The following UNC79 variants were observed in gnomAD, a reference collection of about 807,000 sequenced individuals.
The protein encoded by UNC79 is unc-79 subunit of NALCN channel complex.
In UNC79, 37 loss-of-function variants were observed where a neutral mutation model predicts 283.1. The observed-to-expected ratio is 0.13, with a 90% CI of 0.10 to 0.17. The LOEUF (loss-of-function observed/expected upper bound fraction) is 0.17, where lower values mean the gene tolerates loss of function less well. Among genes scored for constraint, UNC79 ranks in the 10% least tolerant of loss-of-function variants. UNC79 has a pLI of 1.00. For synonymous variants in UNC79, 1,107 were observed against 1,200.2 expected (o/e 0.92, Z 1.61); for missense variants, 2,272 against 3,211.1 (o/e 0.71, Z 7.07).
intron 8 of UNC79, among the ~76,000 whole-genome samples, chr14:93,525,908 T>C (rs1439474596): frequency 6.6e-6 from 1 of 152,146 alleles, no homozygotes; most frequent in Non-Finnish European, 1.5e-5. Flanking sequence ...AACAGCCCAG[T>C]CCATTCCACT....
Position 93,582,357 on chromosome 14 carries a change from T to C in UNC79, c.2803+13T>C, listed in dbSNP as rs769237154. The C allele has an allele frequency of 2.5e-6, 4 of 1,611,722 alleles. No individual in the cohort carries two copies. In the African/African-American group the frequency reaches 5.3e-5, roughly 22 times the overall value. Reference sequence around the variant, plus strand: ...GTGGAACATGCTGGTAGGTGTGCACTGACTGCCGGGGAATGCGCCACGTGC... The same window carrying C: ...GTGGAACATGCTGGTAGGTGTGCACCGACTGCCGGGGAATGCGCCACGTGC... On this transcript the variant is annotated intron_variant, in intron 20 of 48. Coordinates refer to ENST00000555664, the Ensembl canonical transcript of UNC79.
intron 1 of UNC79, among the ~76,000 whole-genome samples, chr14:93,383,620 G>A (rs1021885208): frequency 6.6e-6 from 1 of 152,258 alleles, no homozygotes; most frequent in Non-Finnish European, 1.5e-5. Context: ...CTCTCTGCTG[G>A]TGTTGCCTTG....
intron 47 of UNC79, among the ~76,000 whole-genome samples, chr14:93,699,184 T>C (rs2075359550): frequency 6.6e-6 from 1 of 152,244 alleles, no homozygotes; most frequent in African/African-American, 2.4e-5. Context: ...TCATTTAATG[T>C]GTTTTGTGAT....
At chr14:93,354,485 C>T (rs1431813791) in intron 1 of UNC79, among the ~76,000 whole-genome samples, 1 of 152,196 alleles carries the variant, frequency 6.6e-6, no homozygotes, top group Non-Finnish European at 1.5e-5. Flanking sequence ...ATCTGAAACA[C>T]TTCTGGTCCC....
rs2067097774 is a variant in UNC79, at chr14:93,621,077, ATGT to A, written c.4388-540_4388-538del. On this transcript the variant is annotated intron_variant, in intron 29 of 48. Transcript: ENST00000555664. The surrounding 1 kb of genome is among the most constrained non-coding windows in gnomAD (Gnocchi z 4.8). ...TTTCTCTTAGTAATTTTATGCAGAAATGTTGTACTCTACCGTTTGTTTGGGGTG... is the reference window on the plus strand; with the variant it reads ...TTTCTCTTAGTAATTTTATGCAGAAATGTACTCTACCGTTTGTTTGGGGTG... 1 of 498,120 alleles carries A rather than the reference ATGT, an allele frequency of 2.0e-6. No individual in the cohort carries two copies. Among genetic ancestry groups the A allele is most frequent in the Non-Finnish European group, 4.0e-6 (1 of 249,416 alleles). The allele number at this position is 498,120 out of a possible 1,614,324, so 30.9% of individuals were successfully genotyped here. A position where few individuals can be genotyped will look rare whatever the true frequency, so the allele number is the denominator to read the frequency against.
intron 22 of UNC79, among the ~76,000 whole-genome samples, chr14:93,591,125 G>A (rs2064642626): frequency 6.6e-6 from 1 of 152,176 alleles, no homozygotes; most frequent in Admixed American, 6.5e-5. Context: ...TTTAGATTAA[G>A]CATATGGCAT....
intron 14 of UNC79, among the ~76,000 whole-genome samples, chr14:93,564,695 G>A (rs1416661827): frequency 3.3e-5 from 5 of 152,072 alleles, no homozygotes; most frequent in Non-Finnish European, 7.4e-5. Context: ...GATAGGGGTG[G>A]GGCCGTTTTA....
At chr14:93,353,549 A>G (rs1008201720) in intron 1 of UNC79, among the ~76,000 whole-genome samples, 1 of 152,206 alleles carries the variant, frequency 6.6e-6, no homozygotes, top group Non-Finnish European at 1.5e-5. Context: ...AACTTCAGTT[A>G]CCATATACTT....
At chr14:93,433,847 C>T (rs1165063732) in intron 1 of UNC79, among the ~76,000 whole-genome samples, 1 of 152,098 alleles carries the variant, frequency 6.6e-6, no homozygotes, top group East Asian at 1.9e-4. Flanking sequence ...TGTAATGTAT[C>T]ACAGAGATAT....
intron 1 of UNC79, among the ~76,000 whole-genome samples, chr14:93,338,263 C>T (rs539382463): frequency 6.6e-6 from 1 of 152,116 alleles, no homozygotes. Context: ...CACTGGTGAT[C>T]TGGTTGTTTA....
intron 1 of UNC79, among the ~76,000 whole-genome samples, chr14:93,391,284 A>AT (rs1043710085): frequency 3.3e-5 from 5 of 152,174 alleles, no homozygotes; most frequent in Admixed American, 2.6e-4. Context: ...GGAAAAAAAA[A>AT]GGAAAAGAAA....
chr14:93,412,969 T>C (rs930591974), intron 1 of UNC79, among the ~76,000 whole-genome samples: 1 of 152,204 alleles, frequency 6.6e-6, no homozygotes, highest in African/African-American at 2.4e-5. Context: ...CTGCTGATAG[T>C]TAAGTACACA....
At chr14:93,572,123 C>T in intron 15 of UNC79, 39 bp downstream of exon 15, 1 of 1,598,356 alleles carries the variant, frequency 6.3e-7, no homozygotes, top group Non-Finnish European at 8.5e-7. Context: ...TAATTATAAT[C>T]ATATCTAACG....
intron 4 of UNC79, 124 bp from the exon 5 acceptor site, chr14:93,487,539 T>G: frequency 1.5e-6 from 1 of 689,592 alleles, no homozygotes; most frequent in South Asian, 2.7e-5. Context: ...TGTGCAAAAC[T>G]TCCATTAGCT....
intron 1 of UNC79, among the ~76,000 whole-genome samples, chr14:93,438,716 A>C (rs930165153): frequency 6.6e-6 from 1 of 151,284 alleles, no homozygotes; most frequent in Admixed American, 6.6e-5. Flanking sequence ...TCATTCTTCC[A>C]AAATAATTTT....
At chr14:93,400,575 C>T (rs2055088609) in intron 1 of UNC79, among the ~76,000 whole-genome samples, 1 of 152,138 alleles carries the variant, frequency 6.6e-6, no homozygotes, top group Non-Finnish European at 1.5e-5. Context: ...TAAAGACAGC[C>T]TTTTAAGGCA....
chr14:93,688,758 T>G lies in UNC79; in HGVS notation c.7003T>G (p.Ser2335Ala). 6.2e-7 allele frequency: 1 copy of G among 1,614,024 alleles called. No individual in the cohort carries two copies. Among genetic ancestry groups the G allele is most frequent in the Non-Finnish European group, 8.5e-7 (1 of 1,180,008 alleles). ...GGCCCAGATTGCAGCCATGGACATC[T>G]CACGGGGCAACCACAGAGATAACAA... The change falls in exon 44 of 49, where the codon TCA becomes GCA. Residue 2335 changes from serine (S) to alanine (A), a missense_variant. By Grantham distance (99) the Ser-to-Ala change is moderately conservative (BLOSUM62 1). This residue lies in a region of UNC79 where 225 missense variants were observed against 334.2 expected (regional missense o/e 0.67). Coordinates refer to ENST00000555664, the Ensembl canonical transcript of UNC79. This position sits in a 1 kb window ranked among gnomAD's most constrained non-coding sequence, Gnocchi z 4.0.
chr14:93,689,989 T>C (rs2074562473), intron 44 of UNC79, 128 bp from the exon 48 acceptor site: 1 of 965,340 alleles, frequency 1.0e-6, no homozygotes, highest in Non-Finnish European at 1.5e-6. Flanking sequence ...TCAATTGCCT[T>C]GGCGTTTTGT....
intron 1 of UNC79, chr14:93,347,507 T>A: frequency 8.1e-7 from 1 of 1,241,538 alleles, no homozygotes; most frequent in Non-Finnish European, 1.0e-6. Flanking sequence ...TGGGAGGCTC[T>A]TGTGGCTTGG....
Sources: gnomAD v4.1 joint callset for allele counts (sites outside exome capture counted in the v4.1 genomes callset) on GRCh38, gnomAD v4.1.1 for gene constraint, gnomAD v4.1.1 regional missense constraint, Gnocchi (gnomAD v3.1) non-coding constraint, MANE v1.5 for transcripts, NCBI Gene and HGNC (gene_info 2026-07-23, HGNC 2026-07-21) for gene names.